Variants in RAPGEF2 observed in about 807,000 individuals in gnomAD.
RAPGEF2 encodes Rap guanine nucleotide exchange factor 2, also known as PDZ domain containing guanine nucleotide exchange factor (GEF) 1.
A neutral mutation model predicts 186.7 loss-of-function variants in RAPGEF2; 54 were observed. That is an observed-to-expected ratio of 0.29 (90% confidence interval 0.23 to 0.36). The LOEUF (loss-of-function observed/expected upper bound fraction) is 0.36, where lower values mean the gene tolerates loss of function less well. RAPGEF2 is among the 10% of genes least tolerant of loss of function. RAPGEF2 has a pLI of 1.00. For missense variants in RAPGEF2, 1,532 were observed against 2,045.0 expected, an observed-to-expected ratio of 0.75 and a Z score of 4.84; for synonymous variants, 712 against 705.9, an observed-to-expected ratio of 1.01 and a Z score of -0.14.
intron 1 of RAPGEF2, among the ~76,000 whole-genome samples, chr4:159,153,460 G>C (rs1743777622): frequency 6.6e-6 from 1 of 152,130 alleles, no homozygotes; most frequent in South Asian, 2.1e-4. Context: ...ATGAGACTCA[G>C]ACTTATTAAT....
intron 1 of RAPGEF2, among the ~76,000 whole-genome samples, chr4:159,109,091 C>T (rs529694549): frequency 3.3e-5 from 5 of 152,004 alleles, no homozygotes; most frequent in South Asian, 2.1e-4. Context: ...ATGGACTATC[C>T]GAAATAATGA....
rs775954625 is a variant in RAPGEF2 at position 159,353,486 on chromosome 4, G to A, written c.4092-1G>A. ...CTTTTCCATTTCTTTTAACCACTTA[G>A]GTCCTATGCACCAATGTCCGAGGGC... On this transcript the variant is annotated splice_acceptor_variant, in intron 27 of 29. Transcript: ENST00000691494. LOFTEE classifies it high-confidence loss of function. The surrounding 1 kb of genome is among the most constrained non-coding windows in gnomAD (Gnocchi z 4.3). 6.9e-7 allele frequency: 1 copy of A among 1,452,174 alleles called. No individual in the cohort carries two copies. The highest frequency in any genetic ancestry group is 9.1e-7 in the Non-Finnish European group (1 of 1,100,816). 90.0% of individuals were successfully genotyped at this position (1,452,174 alleles called of 1,614,324 possible).
intron 1 of RAPGEF2, among the ~76,000 whole-genome samples, chr4:159,125,000 T>C (rs1341251602): frequency 6.6e-6 from 1 of 152,190 alleles, no homozygotes; most frequent in African/African-American, 2.4e-5. Context: ...CCTAACTTTC[T>C]TGAAACTGTC....
chr4:159,131,518 T>A (rs1412311184), intron 1 of RAPGEF2, among the ~76,000 whole-genome samples: 3 of 93,788 alleles, frequency 3.2e-5, no homozygotes, highest in Non-Finnish European at 6.2e-5. Context: ...GATTAATTGC[T>A]ATTTTTTTTT....
chr4:159,323,755 G>A, intron 11 of RAPGEF2, 138 bp downstream of exon 11: 1 of 425,426 alleles, frequency 2.4e-6, no homozygotes, highest in Non-Finnish European at 3.5e-6. Context: ...GTATTGTTCT[G>A]TCAGCCAGGC....
intron 3 of RAPGEF2, among the ~76,000 whole-genome samples, chr4:159,209,944 A>G (rs1478727048): frequency 2.0e-5 from 3 of 152,260 alleles, no homozygotes; most frequent in African/African-American, 4.8e-5. Flanking sequence ...CAAGAAAGCT[A>G]TCTTTTGATG....
chr4:159,339,097 A>AT lies in RAPGEF2; in HGVS notation c.2294-12dup. 1 of 1,607,610 alleles carries AT rather than the reference A, an allele frequency of 6.2e-7. No individual in the cohort carries two copies. The highest frequency in any genetic ancestry group is 1.1e-5 in the South Asian group (1 of 90,438). ...AAAATTCTTTCTACTTATGTGTGTG[A>AT]TTTTTCTTTCCCCCAGACTTGCCAG... On this transcript the variant is annotated splice_polypyrimidine_tract_variant and intron_variant, in intron 18 of 29. Transcript: ENST00000691494.
intron 1 of RAPGEF2, among the ~76,000 whole-genome samples, chr4:159,178,793 A>G (rs1420698991): frequency 1.3e-5 from 2 of 151,944 alleles, no homozygotes; most frequent in Non-Finnish European, 2.9e-5. Context: ...TCCTGACCTC[A>G]GGCAATTCAC....
chr4:159,207,678 A>G (rs1006824480), intron 3 of RAPGEF2, among the ~76,000 whole-genome samples: 3 of 152,018 alleles, frequency 2.0e-5, no homozygotes, highest in South Asian at 2.1e-4. Context: ...TTAATTTCCT[A>G]TTTTTCTAGA....
chr4:159,216,361 T>C (rs28651666), intron 4 of RAPGEF2, among the ~76,000 whole-genome samples: 23,101 of 152,084 alleles, frequency 0.15, 3,966 homozygotes, highest in African/African-American at 0.42. Flanking sequence ...ATTTCAAAGA[T>C]GGGTATTTTA....
chr4:159,193,725 A>G (rs1397847746), intron 3 of RAPGEF2, among the ~76,000 whole-genome samples: 2 of 152,258 alleles, frequency 1.3e-5, no homozygotes, highest in African/African-American at 2.4e-5. Flanking sequence ...AAGATGTGCA[A>G]CATATTCCTT....
At chr4:159,191,739 AAAT>A (rs1237881000) in intron 2 of RAPGEF2, among the ~76,000 whole-genome samples, 3 of 152,134 alleles carry the variant, frequency 2.0e-5, no homozygotes, top group Non-Finnish European at 4.4e-5. Context: ...CTCCATCTCA[AAAT>A]AATAATAATG....
intron 1 of RAPGEF2, among the ~76,000 whole-genome samples, chr4:159,149,778 T>C (rs1267248753): frequency 3.9e-5 from 6 of 152,196 alleles, no homozygotes; most frequent in African/African-American, 1.2e-4. Flanking sequence ...AAGCATCTTA[T>C]AGAGTGAAAT....
intron 1 of RAPGEF2, among the ~76,000 whole-genome samples, chr4:159,170,963 C>T (rs1302855819): frequency 6.6e-6 from 1 of 152,036 alleles, no homozygotes; most frequent in African/African-American, 2.4e-5. Flanking sequence ...ACTCTTCTTT[C>T]CCCCATTGTG....
At chr4:159,295,752 T>TGG in intron 7 of RAPGEF2, among the ~76,000 whole-genome samples, 1 of 111,844 alleles carries the variant, frequency 8.9e-6, no homozygotes, top group Admixed American at 8.3e-5. Flanking sequence ...TGTGTGTGTG[T>TGG]GTGCGCGCGC....
chr4:159,328,197 G>A (rs573715209), intron 11 of RAPGEF2: 1 of 152,082 alleles, frequency 6.6e-6, no homozygotes, highest in Non-Finnish European at 1.5e-5. Flanking sequence ...TTTTGCTGCT[G>A]TGTACAAAGA....
intron 1 of RAPGEF2, among the ~76,000 whole-genome samples, chr4:159,145,720 AG>A (rs1366280617): frequency 3.9e-5 from 6 of 152,114 alleles, no homozygotes; most frequent in African/African-American, 1.2e-4. Flanking sequence ...TATGTTTAAG[AG>A]GTATTAGTAA....
At chr4:159,195,682 C>T (rs959583012) in intron 3 of RAPGEF2, among the ~76,000 whole-genome samples, 1 of 152,074 alleles carries the variant, frequency 6.6e-6, no homozygotes, top group African/African-American at 2.4e-5. Context: ...TGACCCTTTT[C>T]ATGCCTTGTC....
chr4:159,340,779 CCA>C (rs10562531), intron 19 of RAPGEF2, among the ~76,000 whole-genome samples: 37,948 of 106,000 alleles, frequency 0.36, 11,771 homozygotes, highest in East Asian at 0.71. Context: ...ACCACCATCA[CCA>C]CACACACACA....
Sources: allele counts gnomAD v4.1 joint callset (sites outside exome capture counted in the v4.1 genomes callset), GRCh38; gene constraint gnomAD v4.1.1; non-coding constraint Gnocchi (gnomAD v3.1); transcripts MANE v1.5; gene names NCBI Gene and HGNC (gene_info 2026-07-23, HGNC 2026-07-21).